FLT4: variants seen among roughly 807,000 people sequenced by gnomAD.
FLT4 encodes the protein fms related receptor tyrosine kinase 4, also known as vascular endothelial growth factor receptor 3.
A neutral mutation model predicts 163.2 loss-of-function variants in FLT4; 30 were observed. That is an observed-to-expected ratio of 0.18 (90% CI 0.14 to 0.25). The LOEUF is 0.25. Among genes scored for constraint, FLT4 ranks in the 10% least tolerant of loss-of-function variants. FLT4 has a pLI of 1.00. For missense variants in FLT4, 1,510 were observed against 1,863.8 expected, an observed-to-expected ratio of 0.81 and a Z score of 3.50; for synonymous variants, 884 against 789.5, an observed-to-expected ratio of 1.12 and a Z score of -2.01.
Position 180,621,900 on chromosome 5 carries a change from G to A in FLT4, c.1662C>T (p.Ile554=), listed in dbSNP as rs1387909164. ...ERLIYFYVTT[I]PDGFTIESKP... Reference sequence around the variant, plus strand: ...TGGATTCGATGGTGAAGCCGTCGGGGATGGCTGTGGAGGGAGGAAGAAGCC... The same window carrying A: ...TGGATTCGATGGTGAAGCCGTCGGGAATGGCTGTGGAGGGAGGAAGAAGCC... Residue 554 remains isoleucine (I), a synonymous_variant, in exon 13 of 30, where the codon ATC becomes ATT. Transcript: ENST00000261937. 2 of 1,613,434 alleles carry A rather than the reference G, an allele frequency of 1.2e-6. No individual in the cohort carries two copies. The highest frequency in any genetic ancestry group is 1.7e-5 in the Admixed American group (1 of 60,020).
At chr5:180,622,923 G>C in intron 11 of FLT4, 84 bp from the exon 12 acceptor site, 1 of 775,798 alleles carries the variant, frequency 1.3e-6, no homozygotes, top group Non-Finnish European at 2.2e-6. Context: ...AGGTCGCTGT[G>C]CACCACCCCC....
Position 180,630,248 on chromosome 5 carries a change from C to T in FLT4, c.490G>A (p.Gly164Ser), listed in dbSNP as rs775547530. 2.0e-5 allele frequency: 32 copies of T among 1,612,304 alleles called. No individual in the cohort carries two copies. Among genetic ancestry groups the T allele is most frequent in the South Asian group, 3.3e-5 (3 of 91,074 alleles). ...ACCGAGCGCAGCGTGACATTGAGGC[C>T]GGGGATGGACACCAGACAGGGCACC... The part of the protein sequence containing the change: ...MWVPCLVSIP[G>S]LNVTLRSQSS... The change falls in exon 4 of 30, where the codon GGC becomes AGC. Residue 164 changes from glycine (G) to serine (S), a missense_variant. Physicochemically the swap from Gly to Ser is moderately conservative, Grantham distance 56. Around this residue, in one of 5 missense-constraint regions of FLT4, gnomAD observed 163 missense variants for 281.1 expected, o/e 0.58. Transcript: ENST00000261937. The surrounding 1 kb of genome is among the most constrained non-coding windows in gnomAD (Gnocchi z 6.3).
rs1763602641 is a variant in FLT4, at chr5:180,626,268, G to A, written c.1104-3C>T. The A allele has an allele frequency of 6.2e-7, 1 of 1,611,590 alleles. No individual in the cohort carries two copies. Among genetic ancestry groups the A allele is most frequent in the Non-Finnish European group, 8.5e-7 (1 of 1,179,984 alleles). The stretch of plus-strand genomic sequence containing the variant: ...ACAGTGCCTTTCCATCCTTGTACCT[G>A]GCCAGGGAAGGGAGGTCAGGGCCCA... On this transcript the variant is annotated splice_region_variant and splice_polypyrimidine_tract_variant and intron_variant, in intron 8 of 29. Transcript: ENST00000261937.
rs867362551 is a variant in FLT4 at position 180,618,906 on chromosome 5, C to T, written c.2865G>A (p.Glu955=). 2 of 1,585,942 alleles carry T rather than the reference C, an allele frequency of 1.3e-6. No individual in the cohort carries two copies. Among genetic ancestry groups the T allele is most frequent in the African/African-American group, 1.3e-5 (1 of 74,734 alleles). Residue 955 remains glutamate (E), a synonymous_variant, in exon 21 of 30, where the codon GAG becomes GAA. Coordinates refer to ENST00000261937, the MANE Select transcript of FLT4 (RefSeq NM_182925.5). ...CCATGGCGCGGAAGCGTCCGCGCTG[C>T]TCGGGAGACTTCTCCTGCGGATGCA... is the stretch of plus-strand genomic sequence containing the variant. ...AFSPCAEKSP[E]QRGRFRAMVE...
At chr5:180,629,603 G>T (rs1215789121) in intron 6 of FLT4, 93 bp downstream of exon 6, 2 of 1,509,754 alleles carry the variant, frequency 1.3e-6, no homozygotes, top group Non-Finnish European at 1.8e-6. Flanking sequence ...GCAGGCCTGG[G>T]CCCACACATC....
At chr5:180,614,214 A>T (rs1762439541) in intron 23 of FLT4, 35 bp from the exon 24 acceptor site, 1 of 1,400,056 alleles carries the variant, frequency 7.1e-7, no homozygotes, top group African/African-American at 1.5e-5. Context: ...CCCGTGGTGG[A>T]TGGGGAGACG....
intron 1 of FLT4, among the ~76,000 whole-genome samples, chr5:180,637,456 A>C (rs1407824546): frequency 6.6e-6 from 1 of 152,076 alleles, no homozygotes; most frequent in Non-Finnish European, 1.5e-5. Flanking sequence ...CAGGCCCTCC[A>C]TCGTGCCCAG....
chr5:180,642,105 G>C (rs1322734072), intron 1 of FLT4, among the ~76,000 whole-genome samples: 1 of 151,920 alleles, frequency 6.6e-6, no homozygotes, highest in Non-Finnish European at 1.5e-5. Flanking sequence ...TACTCGAGAG[G>C]CTGAGGCAGG....
chr5:180,627,822 G>C (rs1763756389), intron 8 of FLT4, among the ~76,000 whole-genome samples: 2 of 152,198 alleles, frequency 1.3e-5, no homozygotes, highest in Admixed American at 1.3e-4. Flanking sequence ...CTGTACCCGT[G>C]AGTGAGGCTC....
intron 1 of FLT4, among the ~76,000 whole-genome samples, chr5:180,647,968 C>G (rs1428391853): frequency 6.6e-6 from 1 of 152,166 alleles, no homozygotes; most frequent in Admixed American, 6.5e-5. Context: ...TCCCTGGAAG[C>G]CCCCTTGCCC....
intron 1 of FLT4, among the ~76,000 whole-genome samples, chr5:180,648,707 G>A (rs995362070): frequency 6.9e-6 from 1 of 145,138 alleles, no homozygotes; most frequent in African/African-American, 2.5e-5. Flanking sequence ...CTTCAGGTCT[G>A]CGTCTCTCCC....
At chr5:180,624,280 G>C (rs1412552634) in intron 10 of FLT4, among the ~76,000 whole-genome samples, 1 of 148,578 alleles carries the variant, frequency 6.7e-6, no homozygotes, top group Non-Finnish European at 1.5e-5. Context: ...AGGCTGGACT[G>C]CAATGGCACA....
intron 24 of FLT4, chr5:180,613,666 A>T: frequency 3.0e-6 from 1 of 328,986 alleles, no homozygotes; most frequent in Non-Finnish European, 5.9e-6. Context: ...GTGACATTTT[A>T]ACTTTTTCAA....
chr5:180,633,107 C>T (rs770275252), intron 1 of FLT4, among the ~76,000 whole-genome samples: 1 of 152,148 alleles, frequency 6.6e-6, no homozygotes, highest in African/African-American at 2.4e-5. Flanking sequence ...CCAGGGAATC[C>T]TTGACCCCAA....
chr5:180,630,948 C>T lies in FLT4; in HGVS notation c.156-149G>A. The T allele has an allele frequency of 1.0e-6, 1 of 1,002,854 alleles. No individual in the cohort carries two copies. Among genetic ancestry groups the T allele is most frequent in the Non-Finnish European group, 1.4e-6 (1 of 704,118 alleles). The allele number at this position is 1,002,854 out of a possible 1,614,324, so 62.1% of individuals were successfully genotyped here. A position where few individuals can be genotyped will look rare whatever the true frequency, so the allele number is the denominator to read the frequency against. ...TTTGGGCGCACACTACAGACCGTGC[C>T]CAGGGCAGGGCACTCCCCGACCCCC... is the stretch of plus-strand genomic sequence containing the variant. On this transcript the variant is annotated intron_variant, in intron 2 of 29. Transcript: ENST00000261937. The surrounding 1 kb of genome is among the most constrained non-coding windows in gnomAD (Gnocchi z 6.3).
chr5:180,603,372 C>T lies in FLT4; in HGVS notation c.3912G>A (p.Gln1304=). 2 of 1,614,042 alleles carry T rather than the reference C, an allele frequency of 1.2e-6. No individual in the cohort carries two copies. The highest frequency in any genetic ancestry group is 2.2e-5 in the East Asian group (1 of 44,876). ...ESGFSCKGPG[Q]NVAVTRAHPD... ...GGTGTGCCCTGGTCACAGCCACATT[C>T]TGGCCAGGTCCTTTACAGCTGCCAA... The change falls in exon 30 of 30, where the codon CAG becomes CAA. Residue 1304 remains glutamine, a synonymous_variant. Coordinates refer to ENST00000261937, the MANE Select transcript of FLT4 (RefSeq NM_182925.5).
At chr5:180,635,876 G>C (rs1258149130) in intron 1 of FLT4, among the ~76,000 whole-genome samples, 1 of 136,964 alleles carries the variant, frequency 7.3e-6, no homozygotes. Context: ...TGGGTGGGTG[G>C]ATGGATGGAT....
At chr5:180,618,950 G>A (rs768457859) in intron 20 of FLT4, 30 bp from the exon 21 acceptor site, 11 of 1,561,486 alleles carry the variant, frequency 7.0e-6, no homozygotes, top group South Asian at 2.3e-5. Context: ...GCTCGAGGGC[G>A]CCCAGTCGTC....
At position 180,603,335 on chromosome 5, in the gene FLT4, C is replaced by T. The variant is rs773779407; in HGVS notation, c.3949G>A (p.Gly1317Arg). 3 of 1,614,082 alleles carry T rather than the reference C, an allele frequency of 1.9e-6. No homozygotes were observed. In the East Asian group the frequency reaches 6.7e-5, roughly 36 times the overall value. The part of the protein sequence containing the change: ...AVTRAHPDSQ[G>R]RRRRPERGAR... ...CCCCGCTCAGGCCGCCGCCGCCTCC[C>T]TTGGGAGTCAGGGTGTGCCCTGGTC... Residue 1317 changes from glycine (G) to arginine (R), a missense_variant, in exon 30 of 30, where the codon GGG becomes AGG. Gly to Arg is a moderately radical substitution (Grantham distance 125, BLOSUM62 -2). Transcript: ENST00000261937.
Sources: gnomAD v4.1 joint callset for allele counts (sites outside exome capture counted in the v4.1 genomes callset) on GRCh38, gnomAD v4.1.1 for gene constraint, gnomAD v4.1.1 regional missense constraint, Gnocchi (gnomAD v3.1) non-coding constraint, MANE v1.5 for transcripts, NCBI Gene and HGNC (gene_info 2026-07-23, HGNC 2026-07-21) for gene names.